SPSB1: variants seen among roughly 807,000 people sequenced by gnomAD.
SPSB1 encodes SPRY domain-containing SOCS box protein 1.
In SPSB1, 8 loss-of-function variants were observed where a neutral mutation model predicts 21.2. The ratio of observed to expected loss-of-function variants is 0.38; its 90% CI spans 0.22 to 0.68. SPSB1 has a LOEUF of 0.68. SPSB1 is among the 30% of genes least tolerant of loss of function. The pLI, the probability that SPSB1 is intolerant of heterozygous loss-of-function variation, is 0.53. For synonymous variants in SPSB1, 169 were observed against 161.7 expected (o/e 1.05, Z -0.34); for missense variants, 242 against 377.8 (o/e 0.64, Z 2.98).
At chr1:9,339,862 G>A (rs1375152977) in intron 1 of SPSB1, among the ~76,000 whole-genome samples, 1 of 152,248 alleles carries the variant, frequency 6.6e-6, no homozygotes, top group African/African-American at 2.4e-5. Flanking sequence ...CCGTGGCACA[G>A]GTCGGCCTCT....
At position 9,324,725 on chromosome 1, in the gene SPSB1, T is replaced by G. The variant is rs1639784331; in HGVS notation, c.-149-31018T>G. ...AGCCAGCATCTCCCGGAGCCCAGAA[T>G]CTCTCTGGGAATGAGCACAGCCACC... On this transcript the variant is annotated intron_variant, in intron 1 of 2. Coordinates refer to ENST00000328089, the MANE Select transcript of SPSB1 (RefSeq NM_025106.4). This position sits in a 1 kb window ranked among gnomAD's most constrained non-coding sequence, Gnocchi z 4.3. Among the ~76,000 whole-genome samples the G allele has an allele frequency of 6.6e-6, 1 of 152,014 alleles. No individual in the cohort carries two copies. Among genetic ancestry groups the G allele is most frequent in the Admixed American group, 6.5e-5 (1 of 15,278 alleles).
chr1:9,301,201 A>AG (rs1247979182), intron 1 of SPSB1, among the ~76,000 whole-genome samples: 11 of 152,180 alleles, frequency 7.2e-5, no homozygotes, highest in African/African-American at 2.4e-4. Flanking sequence ...TGACAAAGAA[A>AG]GCTGGGGGCC....
In SPSB1 at chr1:9,355,621, G is replaced by C. The variant is rs375460868; in HGVS notation, c.-149-122G>C. On this transcript the variant is annotated intron_variant, in intron 1 of 2. Coordinates refer to ENST00000328089, the MANE Select transcript of SPSB1 (RefSeq NM_025106.4). Reference sequence around the variant, plus strand: ...CAAGGCTCCAGCCTGCCCGTGTCAGGCATGACAGAGCCCAGGTGCAGGCTG... The same window carrying C: ...CAAGGCTCCAGCCTGCCCGTGTCAGCCATGACAGAGCCCAGGTGCAGGCTG... The C allele has an allele frequency of 3.6e-6, 4 of 1,118,872 alleles. No individual in the cohort carries two copies. The African/African-American group carries it at 6.4e-5, about 18-fold the overall frequency. The allele number at this position is 1,118,872 out of a possible 1,614,324, so 69.3% of individuals were successfully genotyped here.
chr1:9,302,101 C>A (rs567500328), intron 1 of SPSB1, among the ~76,000 whole-genome samples: 171 of 152,318 alleles, frequency 1.1e-3, no homozygotes, highest in African/African-American at 3.9e-3. Flanking sequence ...TGAGCACGAG[C>A]CCACTGGTTT....
chr1:9,338,427 C>T (rs2100498881), intron 1 of SPSB1, among the ~76,000 whole-genome samples: 1 of 152,350 alleles, frequency 6.6e-6, no homozygotes, highest in Middle Eastern at 3.4e-3. Context: ...CCCTCCAGGA[C>T]AGCACTTGTG....
chr1:9,333,542 G>A (rs1260836559), intron 1 of SPSB1, among the ~76,000 whole-genome samples: 1 of 152,068 alleles, frequency 6.6e-6, no homozygotes, highest in Non-Finnish European at 1.5e-5. Flanking sequence ...TGTTGGGCAG[G>A]CTGGTCTCGA....
rs1354664469 is a variant in SPSB1 at position 9,324,040 on chromosome 1, C to A, written c.-150+30969C>A. Among the ~76,000 whole-genome samples, 1 of 152,350 alleles carries A rather than the reference C, an allele frequency of 6.6e-6. No individual in the cohort carries two copies. The highest frequency in any genetic ancestry group is 3.4e-3 in the Middle Eastern group (1 of 294). On this transcript the variant is annotated intron_variant, in intron 1 of 2. Transcript: ENST00000328089. The surrounding 1 kb of genome is among the most constrained non-coding windows in gnomAD (Gnocchi z 4.3). ...GATGGCCCAAACTCGGGCCGCAGAA[C>A]CCCTCCTCAGGCCAGCCTGGTTGCT...
At chr1:9,333,709 G>A (rs1413091685) in intron 1 of SPSB1, among the ~76,000 whole-genome samples, 32 of 152,172 alleles carry the variant, frequency 2.1e-4, no homozygotes, top group Admixed American at 2.0e-3. Flanking sequence ...ACCCCAGAGC[G>A]GCCCGGGGAA....
chr1:9,330,810 G>A (rs988061185), intron 1 of SPSB1, among the ~76,000 whole-genome samples: 3 of 151,874 alleles, frequency 2.0e-5, no homozygotes, highest in South Asian at 2.1e-4. Flanking sequence ...CGGATCGTAC[G>A]ATCATTTTGA....
chr1:9,364,999 A>G (rs1339715), intron 2 of SPSB1, among the ~76,000 whole-genome samples: 75,198 of 151,944 alleles, frequency 0.49, 18,711 homozygotes, highest in East Asian at 0.61. Context: ...CTACAGGCCC[A>G]TGCCACCATG....
chr1:9,330,467 A>AAATAATAGC lies in SPSB1; in HGVS notation c.-149-25269_-149-25268insGCAATAATA, dbSNP rs1445312943. On this transcript the variant is annotated intron_variant, in intron 1 of 2. Coordinates refer to ENST00000328089, the MANE Select transcript of SPSB1 (RefSeq NM_025106.4). ...GCGACAGGAGCTAAATTCTGTCTCA[A>AAATAATAGC]AATAATAACAATAATAATAATAATA... Among the ~76,000 whole-genome samples the AAATAATAGC allele has an allele frequency of 1.1e-3, 55 of 51,096 alleles. 1 individual carries two copies. The East Asian group carries it at 0.018, about 17-fold the overall frequency. 33.5% of individuals were successfully genotyped at this position (51,096 alleles called of 152,430 possible). A position where few individuals can be genotyped will look rare whatever the true frequency, so the allele number is the denominator to read the frequency against.
intron 2 of SPSB1, among the ~76,000 whole-genome samples, chr1:9,361,148 G>A (rs1184633285): frequency 1.1e-5 from 1 of 91,428 alleles, no homozygotes; most frequent in African/African-American, 4.9e-5. Context: ...GGCTGGATCT[G>A]TCATTTTCTT....
At chr1:9,312,355 G>A (rs948970892) in intron 1 of SPSB1, among the ~76,000 whole-genome samples, 2 of 151,960 alleles carry the variant, frequency 1.3e-5, no homozygotes, top group African/African-American at 2.4e-5. Flanking sequence ...ACAAAGCAGG[G>A]AGTCCCTGAC....
At chr1:9,354,515 A>G (rs1390041656) in intron 1 of SPSB1, among the ~76,000 whole-genome samples, 5 of 151,968 alleles carry the variant, frequency 3.3e-5, no homozygotes, top group African/African-American at 9.7e-5. Context: ...ACGAGGCTCA[A>G]ATCTTCTGCT....
chr1:9,340,163 C>T (rs889001096), intron 1 of SPSB1, among the ~76,000 whole-genome samples: 6 of 152,180 alleles, frequency 3.9e-5, no homozygotes, highest in South Asian at 2.1e-4. Context: ...TTCCCTCGCC[C>T]CTGTAGGAAC....
chr1:9,298,809 A>G (rs4319362), intron 1 of SPSB1, among the ~76,000 whole-genome samples: 54,375 of 151,768 alleles, frequency 0.36, 9,950 homozygotes, highest in South Asian at 0.41. Flanking sequence ...TTCCAGATTC[A>G]AAGTTGACAT....
chr1:9,330,117 A>G (rs1639889958), intron 1 of SPSB1, among the ~76,000 whole-genome samples: 1 of 152,194 alleles, frequency 6.6e-6, no homozygotes, highest in South Asian at 2.1e-4. Flanking sequence ...TGGCGTAAAT[A>G]ATTGCTAGGT....
intron 2 of SPSB1, among the ~76,000 whole-genome samples, chr1:9,357,288 A>C (rs1243430344): frequency 6.8e-6 from 1 of 146,168 alleles, no homozygotes; most frequent in Non-Finnish European, 1.5e-5. Flanking sequence ...TGGATGGATG[A>C]GTGGGTGGAT....
intron 2 of SPSB1, among the ~76,000 whole-genome samples, chr1:9,366,930 A>G (rs1640582101): frequency 6.6e-6 from 1 of 152,194 alleles, no homozygotes; most frequent in African/African-American, 2.4e-5. Context: ...TGGTAACAGA[A>G]AATGATTCCC....
Sources: gnomAD v4.1 joint callset for allele counts (sites outside exome capture counted in the v4.1 genomes callset) on GRCh38, gnomAD v4.1.1 for gene constraint, Gnocchi (gnomAD v3.1) non-coding constraint, MANE v1.5 for transcripts, NCBI Gene and HGNC (gene_info 2026-07-23, HGNC 2026-07-21) for gene names.